Variants in NPIPB2 observed in about 807,000 individuals in gnomAD.
NPIPB2 encodes nuclear pore complex-interacting protein family member B2.
In NPIPB2, 27 loss-of-function variants were observed where a neutral mutation model predicts 30.8. That is an observed-to-expected ratio of 0.88 (90% CI 0.65 to 1.21). The LOEUF (loss-of-function observed/expected upper bound fraction) is 1.21, where lower values mean the gene tolerates loss of function less well. Among genes scored for constraint, NPIPB2 ranks in the 50% most tolerant of loss-of-function variants. NPIPB2 has a pLI of 0.00. For synonymous variants in NPIPB2, 147 were observed against 162.0 expected, an observed-to-expected ratio of 0.91 and a Z score of 0.70; for missense variants, 440 against 446.2, an observed-to-expected ratio of 0.99 and a Z score of 0.13.
chr16:11,963,588 C>G (rs1411668026), intron 1 of NPIPB2, among the ~76,000 whole-genome samples: 1 of 152,092 alleles, frequency 6.6e-6, no homozygotes, highest in South Asian at 2.1e-4. Flanking sequence ...ACAGGTGAAG[C>G]CTTTTTTGTG....
chr16:11,974,917 T>C (rs1365080714), intron 1 of NPIPB2, among the ~76,000 whole-genome samples: 2 of 151,270 alleles, frequency 1.3e-5, no homozygotes, highest in Non-Finnish European at 2.9e-5. Flanking sequence ...ACTAAAAAAA[T>C]ACAAAAAATT....
intron 1 of NPIPB2, chr16:11,967,613 C>G (rs2055205558): frequency 6.2e-7 from 1 of 1,614,068 alleles, no homozygotes; most frequent in African/African-American, 1.3e-5. Context: ...TGGAAAAGAG[C>G]AGGACTGGTG....
Position 11,965,400 on chromosome 16 carries a change from C to A in NPIPB2, c.-584+11168G>T, listed in dbSNP as rs772767687. On this transcript the variant is annotated intron_variant, in intron 1 of 5. Transcript: ENST00000538896. ...GTTGCATGCTTGCATACCTTGTCAA[C>A]TTCGATGTTCTTCTAATACTCCTCC... The A allele has an allele frequency of 1.9e-6, 3 of 1,614,154 alleles. No homozygotes were observed. The highest frequency in any genetic ancestry group is 3.3e-5 in the Admixed American group (2 of 60,014).
intron 1 of NPIPB2, among the ~76,000 whole-genome samples, chr16:11,949,885 T>C (rs775084531): frequency 2.0e-5 from 3 of 152,228 alleles, no homozygotes; most frequent in Non-Finnish European, 2.9e-5. Flanking sequence ...ATTCTGGTTG[T>C]CTAAGATCTA....
chr16:11,947,546 G>T (rs1285069281), intron 1 of NPIPB2, among the ~76,000 whole-genome samples: 1 of 151,298 alleles, frequency 6.6e-6, no homozygotes, highest in Non-Finnish European at 1.5e-5. Context: ...GGGTTTCACC[G>T]TATTAGCCAG....
intron 1 of NPIPB2, among the ~76,000 whole-genome samples, chr16:11,941,489 T>C (rs1247944678): frequency 2.7e-5 from 4 of 149,568 alleles, no homozygotes; most frequent in African/African-American, 9.9e-5. Flanking sequence ...AAGGATCCGG[T>C]TCAAATTAAG....
At chr16:11,960,284 T>C (rs771782340) in intron 1 of NPIPB2, among the ~76,000 whole-genome samples, 15 of 151,998 alleles carry the variant, frequency 9.9e-5, no homozygotes, top group Admixed American at 3.9e-4. Flanking sequence ...TCAGACACAA[T>C]AGTGTTTTCT....
Position 11,937,638 on chromosome 16 carries a change from G to A in NPIPB2, c.94C>T (p.Arg32Cys), listed in dbSNP as rs750180686. 10 of 1,599,242 alleles carry A rather than the reference G, an allele frequency of 6.3e-6. No homozygotes were observed. The Admixed American group carries it at 1.0e-4, about 16-fold the overall frequency. The stretch of plus-strand genomic sequence containing the variant: ...GGACTTCCACCAAAGTCAGTCCCAC[G>A]ATGATGATGGTCAGCCAGAGTATTG... Residue 32 changes from arginine (R) to cysteine (C), a missense_variant, in exon 2 of 8, where the codon CGT becomes TGT. Physicochemically the swap from Arg to Cys is radical, Grantham distance 180. Around this residue, in one of 3 missense-constraint regions of NPIPB2, gnomAD observed 252 missense variants for 233.0 expected, o/e 1.08. Transcript: ENST00000399147.
At chr16:11,968,053 C>G (rs1126889) in intron 1 of NPIPB2, 198,533 of 559,900 alleles carry the variant, frequency 0.35, 36,500 homozygotes, top group East Asian at 0.59. Context: ...CATGATTAAA[C>G]TCTTTTTTTT....
intron 1 of NPIPB2, among the ~76,000 whole-genome samples, chr16:11,951,619 T>TACCCATACACACACAC (rs1555509396): frequency 1.1e-4 from 13 of 115,814 alleles, no homozygotes; most frequent in Non-Finnish European, 1.6e-4. Flanking sequence ...ACACTGCACA[T>TACCCATACACACACAC]ACACATACAC....
chr16:11,958,073 A>C, intron 1 of NPIPB2, among the ~76,000 whole-genome samples: 1 of 152,154 alleles, frequency 6.6e-6, no homozygotes, highest in East Asian at 1.9e-4. Context: ...AGAACTTTCT[A>C]ACATTGTCTT....
intron 2 of NPIPB2, among the ~76,000 whole-genome samples, chr16:11,934,587 G>A (rs1453553957): frequency 6.7e-6 from 1 of 148,742 alleles, no homozygotes; most frequent in Admixed American, 6.7e-5. Flanking sequence ...TAGGCCAGGT[G>A]CGGTAGCTCA....
chr16:11,975,732 A>C (rs957571936), intron 1 of NPIPB2, among the ~76,000 whole-genome samples: 1 of 151,990 alleles, frequency 6.6e-6, no homozygotes, highest in Non-Finnish European at 1.5e-5. Flanking sequence ...CTGGGACTAC[A>C]GGCGCACGCC....
intron 1 of NPIPB2, among the ~76,000 whole-genome samples, chr16:11,970,555 G>C (rs2055229585): frequency 6.6e-6 from 1 of 151,294 alleles, no homozygotes. Context: ...TTTCTTTTGA[G>C]ACACAGTTTC....
At chr16:11,931,962 T>A (rs2054795164) in intron 4 of NPIPB2, among the ~76,000 whole-genome samples, 1 of 150,698 alleles carries the variant, frequency 6.6e-6, no homozygotes, top group South Asian at 2.1e-4. Context: ...ACAGCAGCTT[T>A]TGCACACATG....
intron 1 of NPIPB2, among the ~76,000 whole-genome samples, chr16:11,972,089 T>C (rs537957614): frequency 6.6e-6 from 1 of 152,046 alleles, no homozygotes; most frequent in African/African-American, 2.4e-5. Flanking sequence ...GAGGTTGCAG[T>C]GAGCTGAGAT....
chr16:11,954,215 G>A (rs572418317), intron 1 of NPIPB2, among the ~76,000 whole-genome samples: 3 of 152,120 alleles, frequency 2.0e-5, no homozygotes, highest in South Asian at 4.1e-4. Flanking sequence ...GGCCAGGCAT[G>A]GTGGCTAATG....
intron 1 of NPIPB2, among the ~76,000 whole-genome samples, chr16:11,954,748 A>C (rs1382532166): frequency 2.0e-5 from 3 of 151,834 alleles, no homozygotes; most frequent in Non-Finnish European, 4.4e-5. Flanking sequence ...TCTACTAAAA[A>C]TACAAAAAAA....
intron 1 of NPIPB2, chr16:11,966,144 G>A: frequency 1.3e-6 from 2 of 1,501,042 alleles, no homozygotes; most frequent in South Asian, 2.5e-5. Flanking sequence ...AATAAAGTAT[G>A]TGAATATTAT....
Sources: gnomAD v4.1 joint callset for allele counts (sites outside exome capture counted in the v4.1 genomes callset) on GRCh38, gnomAD v4.1.1 for gene constraint, gnomAD v4.1.1 regional missense constraint, MANE v1.5 for transcripts, NCBI Gene and HGNC (gene_info 2026-07-23, HGNC 2026-07-21) for gene names.